RTN4RL1: variants seen among roughly 807,000 people sequenced by gnomAD.
RTN4RL1 encodes the protein reticulon 4 receptor like 1.
Under a neutral mutation model 25.6 loss-of-function variants are expected in RTN4RL1, and 7 were observed. The ratio of observed to expected loss-of-function variants is 0.27; its 90% CI spans 0.16 to 0.51. The LOEUF is 0.51. Among genes scored for constraint, RTN4RL1 ranks in the 20% least tolerant of loss-of-function variants. The pLI, the probability that RTN4RL1 is intolerant of heterozygous loss-of-function variation, is 0.97. For synonymous variants in RTN4RL1, 297 were observed against 288.2 expected (o/e 1.03, Z -0.31); for missense variants, 500 against 615.6 (o/e 0.81, Z 1.99).
intron 1 of RTN4RL1, among the ~76,000 whole-genome samples, chr17:1,977,852 G>C (rs886692229): frequency 6.6e-6 from 1 of 152,002 alleles, no homozygotes; most frequent in Admixed American, 6.5e-5. Flanking sequence ...GGGCCGCCCG[G>C]GTGGGAGCCG....
At chr17:1,972,223 C>T (rs1367772012) in intron 1 of RTN4RL1, among the ~76,000 whole-genome samples, 2 of 151,880 alleles carry the variant, frequency 1.3e-5, no homozygotes, top group Non-Finnish European at 2.9e-5. Context: ...AGGAGAGTGG[C>T]TTGAACCCAG....
intron 1 of RTN4RL1, among the ~76,000 whole-genome samples, chr17:1,982,625 AAAGAAAAG>A (rs2066872391): frequency 1.1e-5 from 1 of 89,384 alleles, no homozygotes; most frequent in South Asian, 3.3e-4. Context: ...AAAGAAAAGA[AAAGAAAAG>A]AAAAGAAAAG....
intron 1 of RTN4RL1, among the ~76,000 whole-genome samples, chr17:1,996,057 C>G (rs1269156083): frequency 3.3e-5 from 5 of 152,168 alleles, no homozygotes. Flanking sequence ...CCTGCCCTGG[C>G]TCAGGCTGCC....
At position 1,935,591 on chromosome 17, in the gene RTN4RL1, G is replaced by T; in HGVS notation, c.*905C>A. ...TTCTAGACAAAAATTCTATCACTTT[G>T]TTTTTGCTAGAAATCACCAATACAA... On this transcript the variant is annotated 3_prime_UTR_variant, in exon 2 of 2. Transcript: ENST00000331238. 1.0e-6 allele frequency: 1 copy of T among 984,738 alleles called. No homozygotes were observed. Among genetic ancestry groups the T allele is most frequent in the Non-Finnish European group, 1.2e-6 (1 of 829,498 alleles). The allele number at this position is 984,738 out of a possible 1,614,324, so 61.0% of individuals were successfully genotyped here. A position where few individuals can be genotyped will look rare whatever the true frequency, so the allele number is the denominator to read the frequency against.
At chr17:1,963,006 T>C (rs2066773110) in intron 1 of RTN4RL1, among the ~76,000 whole-genome samples, 1 of 151,798 alleles carries the variant, frequency 6.6e-6, no homozygotes. Flanking sequence ...GGTATAATCA[T>C]AGCTCACTGC....
At chr17:2,016,251 G>A (rs2067121609) in intron 1 of RTN4RL1, among the ~76,000 whole-genome samples, 1 of 152,090 alleles carries the variant, frequency 6.6e-6, no homozygotes, top group South Asian at 2.1e-4. Flanking sequence ...TGTGGTGGCA[G>A]GTGCCTGTAA....
At chr17:2,017,271 T>G (rs920519660) in intron 1 of RTN4RL1, among the ~76,000 whole-genome samples, 4 of 152,216 alleles carry the variant, frequency 2.6e-5, no homozygotes, top group Non-Finnish European at 4.4e-5. Context: ...TTGTCCTGAT[T>G]TGGGAAAGAC....
intron 1 of RTN4RL1, among the ~76,000 whole-genome samples, chr17:2,016,181 G>A (rs2067120249): frequency 6.6e-6 from 1 of 152,194 alleles, no homozygotes; most frequent in Admixed American, 6.5e-5. Context: ...AGGAGTTCAA[G>A]ACCAGCCTGG....
At chr17:2,024,011 G>C (rs1013032362) in intron 1 of RTN4RL1, among the ~76,000 whole-genome samples, 7 of 152,142 alleles carry the variant, frequency 4.6e-5, no homozygotes, top group Non-Finnish European at 1.0e-4. Context: ...CTGGTGGCGG[G>C]GCCCGTGGGC....
At chr17:2,023,914 C>T (rs923245683) in intron 1 of RTN4RL1, among the ~76,000 whole-genome samples, 1 of 150,574 alleles carries the variant, frequency 6.6e-6, no homozygotes, top group African/African-American at 2.4e-5. Flanking sequence ...AGCCTCCTGG[C>T]CGGGCCAGGC....
intron 1 of RTN4RL1, among the ~76,000 whole-genome samples, chr17:1,993,568 C>T (rs190530350): frequency 6.6e-6 from 1 of 152,202 alleles, no homozygotes; most frequent in Non-Finnish European, 1.5e-5. Flanking sequence ...TATTCTTAAA[C>T]TTATTTCGGC....
intron 1 of RTN4RL1, among the ~76,000 whole-genome samples, chr17:1,989,721 A>G (rs1164287873): frequency 6.6e-6 from 1 of 152,038 alleles, no homozygotes; most frequent in Admixed American, 6.6e-5. Context: ...TTACAGGTGC[A>G]TGCCACCATG....
intron 1 of RTN4RL1, among the ~76,000 whole-genome samples, chr17:2,010,400 C>T (rs1177321494): frequency 6.6e-6 from 1 of 152,100 alleles, no homozygotes; most frequent in Admixed American, 6.5e-5. Context: ...TCGCTTGAAC[C>T]CAGGAGACGG....
chr17:1,975,185 G>C (rs1238017622), intron 1 of RTN4RL1, among the ~76,000 whole-genome samples: 2 of 152,194 alleles, frequency 1.3e-5, no homozygotes, highest in Non-Finnish European at 2.9e-5. Flanking sequence ...CCAGCAGAGA[G>C]GAGCTGTTCT....
In RTN4RL1 at chr17:1,971,961, C is replaced by CAAAAAAAA. The variant is rs1323277246; in HGVS notation, c.14-34161_14-34154dup. Among the ~76,000 whole-genome samples the CAAAAAAAA allele has an allele frequency of 3.2e-4, 19 of 59,866 alleles. 1 individual carries two copies. The highest frequency in any genetic ancestry group is 9.9e-4 in the African/African-American group (15 of 15,084). The allele number at this position is 59,866 out of a possible 152,430, so 39.3% of individuals were successfully genotyped here. On this transcript the variant is annotated intron_variant, in intron 1 of 1. Coordinates refer to ENST00000331238, the MANE Select transcript of RTN4RL1 (RefSeq NM_178568.4). ...TGGGCGACAGAGCCAGACTCCCTCT[C>CAAAAAAAA]AAAAAAAAAAAAAAAAAATTTTAAA...
In RTN4RL1 at chr17:1,994,544, C is replaced by G. The variant is rs2066921900; in HGVS notation, c.13+30309G>C. On this transcript the variant is annotated intron_variant, in intron 1 of 1. Coordinates refer to ENST00000331238, the MANE Select transcript of RTN4RL1 (RefSeq NM_178568.4). The surrounding 1 kb of genome is among the most constrained non-coding windows in gnomAD (Gnocchi z 4.3). ...CCTTCCCACCAGCTTGCGAGCTTAT[C>G]AAACCCACAATTTGGGAGAAGGTCC... Among the ~76,000 whole-genome samples, 1 of 152,222 alleles carries G rather than the reference C, an allele frequency of 6.6e-6. No homozygotes were observed. Among genetic ancestry groups the G allele is most frequent in the Admixed American group, 6.5e-5 (1 of 15,282 alleles).
intron 1 of RTN4RL1, among the ~76,000 whole-genome samples, chr17:2,023,873 G>C (rs1170378342): frequency 6.6e-6 from 1 of 152,158 alleles, no homozygotes; most frequent in East Asian, 1.9e-4. Flanking sequence ...CGCAGGGCCG[G>C]GGCAGCCAGC....
Position 1,994,469 on chromosome 17 carries a change from T to G in RTN4RL1, c.13+30384A>C, listed in dbSNP as rs889835600. Among the ~76,000 whole-genome samples, 1 of 152,190 alleles carries G rather than the reference T, an allele frequency of 6.6e-6. No homozygotes were observed. Among genetic ancestry groups the G allele is most frequent in the Admixed American group, 6.5e-5 (1 of 15,272 alleles). On this transcript the variant is annotated intron_variant, in intron 1 of 1. Transcript: ENST00000331238. The surrounding 1 kb of genome is among the most constrained non-coding windows in gnomAD (Gnocchi z 4.3). ...CCTGAATATCCTCGGCCTCATCCCC[T>G]GATATTCTCAATTCTCAGGTCAGAA...
At chr17:1,982,190 A>C (rs1162560667) in intron 1 of RTN4RL1, among the ~76,000 whole-genome samples, 1 of 152,152 alleles carries the variant, frequency 6.6e-6, no homozygotes, top group Non-Finnish European at 1.5e-5. Flanking sequence ...AATCCCAGCT[A>C]TTCAGGAGGA....
Sources: gnomAD v4.1 joint callset for allele counts (sites outside exome capture counted in the v4.1 genomes callset) on GRCh38, gnomAD v4.1.1 for gene constraint, Gnocchi (gnomAD v3.1) non-coding constraint, MANE v1.5 for transcripts, NCBI Gene and HGNC (gene_info 2026-07-23, HGNC 2026-07-21) for gene names.